Variants in WDR70 observed in about 807,000 individuals in gnomAD.
WDR70 encodes the protein WD repeat-containing protein 70.
A neutral mutation model predicts 88.6 loss-of-function variants in WDR70; 53 were observed. The ratio of observed to expected loss-of-function variants is 0.60; its 90% CI spans 0.48 to 0.75. The LOEUF is 0.75. Ranked by LOEUF, WDR70 falls within the 30% of genes least tolerant of loss-of-function variation. The pLI, the probability that WDR70 is intolerant of heterozygous loss-of-function variation, is 0.00. For missense variants in WDR70, 610 were observed against 823.2 expected (o/e 0.74, Z 3.17); for synonymous variants, 280 against 270.0 (o/e 1.04, Z -0.36).
At chr5:37,717,855 A>T (rs554901011) in intron 13 of WDR70, among the ~76,000 whole-genome samples, 7 of 152,354 alleles carry the variant, frequency 4.6e-5, no homozygotes, top group Non-Finnish European at 8.8e-5. Flanking sequence ...CACACAATAA[A>T]TATTAATAAA....
intron 9 of WDR70, among the ~76,000 whole-genome samples, chr5:37,593,513 C>T (rs535402829): frequency 2.0e-5 from 3 of 152,202 alleles, no homozygotes; most frequent in South Asian, 2.1e-4. Flanking sequence ...TATTCCATGA[C>T]GTATATGTGC....
chr5:37,686,951 A>AAAT (rs70978838), intron 10 of WDR70, among the ~76,000 whole-genome samples: 1,955 of 143,076 alleles, frequency 0.014, 26 homozygotes, highest in African/African-American at 0.035. Flanking sequence ...CTCTGTCTCA[A>AAAT]AATAATAATA....
Position 37,752,588 on chromosome 5 carries a change from G to A in WDR70, c.*15G>A. 1 of 1,598,958 alleles carries A rather than the reference G, an allele frequency of 6.3e-7. No homozygotes were observed. Among genetic ancestry groups the A allele is most frequent in the Non-Finnish European group, 8.6e-7 (1 of 1,169,350 alleles). On this transcript the variant is annotated 3_prime_UTR_variant, in exon 18 of 18. Coordinates refer to ENST00000265107, the MANE Select transcript of WDR70 (RefSeq NM_018034.4). ...GTAAAATTTGAAGAATCTCATTTGA[G>A]AGCTGTTTGCATGAGTGGGAGGGGT...
intron 17 of WDR70, among the ~76,000 whole-genome samples, chr5:37,744,401 A>T (rs1748581169): frequency 6.6e-6 from 1 of 152,132 alleles, no homozygotes; most frequent in Non-Finnish European, 1.5e-5. Flanking sequence ...TCTCTCCATT[A>T]AGGGCACAGA....
intron 13 of WDR70, among the ~76,000 whole-genome samples, chr5:37,706,269 T>G (rs1236966972): frequency 2.0e-5 from 3 of 152,240 alleles, no homozygotes; most frequent in Admixed American, 6.5e-5. Flanking sequence ...TAACATTTGC[T>G]ATTTCACCAT....
intron 9 of WDR70, among the ~76,000 whole-genome samples, chr5:37,569,467 G>A (rs775256363): frequency 1.3e-5 from 2 of 152,080 alleles, no homozygotes; most frequent in Non-Finnish European, 2.9e-5. Context: ...CGTTTTTGTT[G>A]TTGTTTTAAT....
chr5:37,678,116 T>A (rs1666856808), intron 10 of WDR70, among the ~76,000 whole-genome samples: 1 of 152,194 alleles, frequency 6.6e-6, no homozygotes, highest in Non-Finnish European at 1.5e-5. Flanking sequence ...ATTTTGAGCC[T>A]ATATGTGTCT....
intron 9 of WDR70, among the ~76,000 whole-genome samples, chr5:37,552,747 G>A (rs1001379377): frequency 3.3e-5 from 5 of 152,110 alleles, no homozygotes; most frequent in African/African-American, 4.8e-5. Context: ...ATTTTGGGTC[G>A]TTCGCTACAT....
At chr5:37,724,637 C>A in intron 15 of WDR70, 1 of 279,604 alleles carries the variant, frequency 3.6e-6, no homozygotes, top group Non-Finnish European at 6.7e-6. Flanking sequence ...TTTTCAAAAC[C>A]ACGGTAATTA....
chr5:37,522,490 A>G (rs1043451781), intron 9 of WDR70, among the ~76,000 whole-genome samples: 2 of 151,622 alleles, frequency 1.3e-5, no homozygotes, highest in African/African-American at 4.8e-5. Context: ...AAAAAAAAAA[A>G]AAAAGGTGGC....
chr5:37,493,905 G>T lies in WDR70; in HGVS notation c.840+13918G>T, dbSNP rs776628510. ...GTGATCTCTGCTCACTGCAACCTCTGTCTCCTCGGTTCTAGCAATTCTCCT... is the reference window on the plus strand; with the variant it reads ...GTGATCTCTGCTCACTGCAACCTCTTTCTCCTCGGTTCTAGCAATTCTCCT... On this transcript the variant is annotated intron_variant, in intron 8 of 17. Transcript: ENST00000265107. Among the ~76,000 whole-genome samples the T allele has an allele frequency of 9.5e-4, 142 of 149,236 alleles. 3 individuals are homozygous for T. The highest frequency in any genetic ancestry group is 1.4e-3 in the Non-Finnish European group (92 of 67,714).
intron 8 of WDR70, among the ~76,000 whole-genome samples, chr5:37,503,275 A>G (rs2112224734): frequency 6.6e-6 from 1 of 151,692 alleles, no homozygotes; most frequent in South Asian, 2.1e-4. Flanking sequence ...TTTAAACTGT[A>G]AGTTCAGGGG....
Position 37,387,505 on chromosome 5 carries a change from A to G in WDR70, c.176-4495A>G, listed in dbSNP as rs2366171. ...TCTTGATTTACATCTTTGGACTGCA[A>G]TTTCTACCTCTGATCTAAACACATG... On this transcript the variant is annotated intron_variant, in intron 3 of 17. Transcript: ENST00000265107. Among the ~76,000 whole-genome samples the G allele has an allele frequency of 1.3e-5, 2 of 152,276 alleles. 1 individual carries two copies. Among genetic ancestry groups the G allele is most frequent in the African/African-American group, 4.8e-5 (2 of 41,564 alleles).
intron 10 of WDR70, among the ~76,000 whole-genome samples, chr5:37,691,468 A>G (rs1480190234): frequency 6.6e-6 from 1 of 152,112 alleles, no homozygotes; most frequent in African/African-American, 2.4e-5. Context: ...GAAATAAAGC[A>G]CTCCTCAGCA....
intron 5 of WDR70, among the ~76,000 whole-genome samples, chr5:37,419,329 CT>C (rs1749868079): frequency 6.6e-6 from 1 of 151,566 alleles, no homozygotes; most frequent in Non-Finnish European, 1.5e-5. Flanking sequence ...CCTCAGCCTC[CT>C]GAGTAGCTGG....
chr5:37,455,069 C>T (rs2112088860), intron 7 of WDR70, among the ~76,000 whole-genome samples: 1 of 152,192 alleles, frequency 6.6e-6, no homozygotes, highest in Non-Finnish European at 1.5e-5. Context: ...AATAGCTCAC[C>T]TAGTATTTAT....
At chr5:37,544,874 T>C (rs1421795512) in intron 9 of WDR70, among the ~76,000 whole-genome samples, 1 of 152,204 alleles carries the variant, frequency 6.6e-6, no homozygotes, top group African/African-American at 2.4e-5. Context: ...TAGGCAGATA[T>C]CATTTGATTT....
chr5:37,545,449 AT>A (rs564139729), intron 9 of WDR70, among the ~76,000 whole-genome samples: 24 of 152,098 alleles, frequency 1.6e-4, no homozygotes, highest in Non-Finnish European at 3.1e-4. Context: ...AATTTAAGTT[AT>A]TCTTTAACAT....
intron 8 of WDR70, among the ~76,000 whole-genome samples, chr5:37,507,560 C>T (rs1465469322): frequency 6.6e-6 from 1 of 152,162 alleles, no homozygotes; most frequent in Non-Finnish European, 1.5e-5. Flanking sequence ...GTCTCTACTT[C>T]CACAAGATCA....
Sources: gnomAD v4.1 joint callset for allele counts (sites outside exome capture counted in the v4.1 genomes callset) on GRCh38, gnomAD v4.1.1 for gene constraint, MANE v1.5 for transcripts, NCBI Gene and HGNC (gene_info 2026-07-23, HGNC 2026-07-21) for gene names.